The following NFU1 variants were observed in gnomAD, a reference collection of about 807,000 sequenced individuals.
The protein encoded by NFU1 is NFU1 iron-sulfur cluster scaffold.
NFU1 carries 30 observed loss-of-function variants against 32.2 expected under a neutral mutation model. That is an observed-to-expected ratio of 0.93 (90% CI 0.70 to 1.26). The LOEUF (loss-of-function observed/expected upper bound fraction) is 1.26. Ranked by LOEUF, NFU1 falls within the 50% of genes most tolerant of loss-of-function variation. The pLI, the probability that NFU1 is intolerant of heterozygous loss-of-function variation, is 0.00. For missense variants in NFU1, 306 were observed against 306.6 expected (o/e 1.00, Z 0.02); for synonymous variants, 112 against 104.6 (o/e 1.07, Z -0.43).
At chr2:69,413,586 C>G (rs80333873) in intron 5 of NFU1, among the ~76,000 whole-genome samples, 5,405 of 152,220 alleles carry the variant, frequency 0.036, 261 homozygotes, top group East Asian at 0.22. Context: ...CATGGCAAAA[C>G]CCCCTCTACT....
upstream of NFU1, among the ~76,000 whole-genome samples, chr2:69,438,908 CCCCCCACACACA>C (rs1013769838): frequency 4.1e-5 from 5 of 122,542 alleles, no homozygotes; most frequent in African/African-American, 6.5e-5. Context: ...CCCCACCCAC[CCCCCCACACACA>C]CCCATTCTAG....
chr2:69,439,214 G>A (rs1478412463), upstream of NFU1, among the ~76,000 whole-genome samples: 2 of 152,052 alleles, frequency 1.3e-5, no homozygotes, highest in African/African-American at 4.8e-5. Context: ...CATTCTTAGG[G>A]CCTGCTCTAG....
intron 2 of NFU1, among the ~76,000 whole-genome samples, chr2:69,424,198 A>AAAATATAT (rs1558840147): frequency 1.3e-5 from 1 of 74,538 alleles, no homozygotes; most frequent in African/African-American, 5.3e-5. Context: ...AAAAAAAAAA[A>AAAATATAT]ATATATATAT....
At chr2:69,405,246 A>C (rs899843122) in intron 6 of NFU1, among the ~76,000 whole-genome samples, 24 of 152,114 alleles carry the variant, frequency 1.6e-4, no homozygotes, top group Admixed American at 5.9e-4. Flanking sequence ...TTAAAAAAAA[A>C]CCAAAAACTA....
At chr2:69,438,382 G>A (rs1673930118), upstream of NFU1, among the ~76,000 whole-genome samples, 1 of 151,922 alleles carries the variant, frequency 6.6e-6, no homozygotes, top group African/African-American at 2.4e-5. Flanking sequence ...GCCTCCCAAA[G>A]CACTGGGATT....
At chr2:69,438,817 C>T (rs187921239), upstream of NFU1, among the ~76,000 whole-genome samples, 708 of 151,826 alleles carry the variant, frequency 4.7e-3, 8 homozygotes, top group Admixed American at 0.013. Context: ...TGGTTCATTC[C>T]CAATGCTGCG....
At chr2:69,438,334 C>A (rs1362979732), upstream of NFU1, among the ~76,000 whole-genome samples, 1 of 151,782 alleles carries the variant, frequency 6.6e-6, no homozygotes, top group Non-Finnish European at 1.5e-5. Flanking sequence ...CTCACCAAAA[C>A]CAACTCCTGG....
At position 69,429,868 on chromosome 2, in the gene NFU1, A is replaced by T. The variant is rs950757348; in HGVS notation, c.166+2034T>A. 3.9e-5 allele frequency: 7 copies of T among 180,538 alleles called. No individual in the cohort carries two copies. In the South Asian group the frequency reaches 5.0e-4, roughly 13 times the overall value. 11.2% of individuals were successfully genotyped at this position (180,538 alleles called of 1,614,324 possible). On this transcript the variant is annotated intron_variant, in intron 2 of 7. Transcript: ENST00000410022. ...ATGTAGTGAAACCTCGTCTCTACAA[A>T]AAATACGAAAATTAGCTGGGTGTGT...
chr2:69,438,407 C>T (rs528333444), upstream of NFU1, among the ~76,000 whole-genome samples: 20 of 152,144 alleles, frequency 1.3e-4, no homozygotes, highest in Non-Finnish European at 2.5e-4. Flanking sequence ...GTGTGAGCCA[C>T]GGTGCCTGGC....
chr2:69,419,333 A>G (rs1673164297), intron 4 of NFU1, among the ~76,000 whole-genome samples: 2 of 152,198 alleles, frequency 1.3e-5, no homozygotes, highest in Admixed American at 6.5e-5. Context: ...ATCTCAAAAA[A>G]AAGAAAAAGA....
intron 2 of NFU1, among the ~76,000 whole-genome samples, chr2:69,430,983 A>G (rs1273752262): frequency 6.6e-6 from 1 of 152,222 alleles, no homozygotes; most frequent in Non-Finnish European, 1.5e-5. Flanking sequence ...GCAGACACAC[A>G]TACCCTCTCC....
At chr2:69,418,049 T>C (rs928110936) in intron 4 of NFU1, among the ~76,000 whole-genome samples, 27 of 152,164 alleles carry the variant, frequency 1.8e-4, no homozygotes, top group African/African-American at 6.3e-4. Flanking sequence ...CGACATTGAA[T>C]ATATTAAATA....
At chr2:69,401,581 A>G (rs926277483) in intron 6 of NFU1, among the ~76,000 whole-genome samples, 1 of 152,202 alleles carries the variant, frequency 6.6e-6, no homozygotes, top group South Asian at 2.1e-4. Context: ...ATTCTTAGAA[A>G]TGTCTTTTGG....
chr2:69,438,598 A>C (rs578029064), upstream of NFU1, among the ~76,000 whole-genome samples: 84 of 152,164 alleles, frequency 5.5e-4, no homozygotes, highest in Non-Finnish European at 9.4e-4. Context: ...TTCTGATGCC[A>C]GCTAAAATTT....
intron 4 of NFU1, among the ~76,000 whole-genome samples, chr2:69,417,724 G>C (rs1308769196): frequency 6.6e-6 from 1 of 151,788 alleles, no homozygotes; most frequent in African/African-American, 2.4e-5. Context: ...CCTAACTTGG[G>C]ATATTATCTA....
At chr2:69,429,318 C>T (rs1673562172) in intron 2 of NFU1, among the ~76,000 whole-genome samples, 1 of 152,176 alleles carries the variant, frequency 6.6e-6, no homozygotes, top group Non-Finnish European at 1.5e-5. Flanking sequence ...AATCCCAGCA[C>T]TTTGGGAGGC....
intron 5 of NFU1, 24 bp downstream of exon 5, chr2:69,415,161 T>G: frequency 1.5e-6 from 2 of 1,308,460 alleles, no homozygotes; most frequent in Non-Finnish European, 1.1e-6. Flanking sequence ...GGACAAATTT[T>G]AATTACTCAA....
intron 6 of NFU1, among the ~76,000 whole-genome samples, chr2:69,405,208 A>G (rs575622301): frequency 6.6e-6 from 1 of 152,150 alleles, no homozygotes; most frequent in Non-Finnish European, 1.5e-5. Flanking sequence ...ATTGCATGCC[A>G]GCCTGGGTGA....
chr2:69,417,834 TA>T (rs1673107120), intron 4 of NFU1, among the ~76,000 whole-genome samples: 1 of 147,378 alleles, frequency 6.8e-6, no homozygotes, highest in South Asian at 2.1e-4. Context: ...GATGACTTAC[TA>T]AATCTAATCA....
Sources: gnomAD v4.1 joint callset for allele counts (sites outside exome capture counted in the v4.1 genomes callset) on GRCh38, gnomAD v4.1.1 for gene constraint, MANE v1.5 for transcripts, NCBI Gene and HGNC (gene_info 2026-07-23, HGNC 2026-07-21) for gene names.